Variants in ZNF732 observed in about 807,000 individuals in gnomAD.
ZNF732 encodes the protein zinc finger protein LOC654254.
ZNF732 carries 12 observed loss-of-function variants against 11.5 expected under a neutral mutation model. The ratio of observed to expected loss-of-function variants is 1.05; its 90% CI spans 0.67 to 1.70. ZNF732 has a LOEUF of 1.70. Among genes scored for constraint, ZNF732 ranks in the 40% most tolerant of loss-of-function variants. ZNF732 has a pLI of 0.00. For synonymous variants in ZNF732, 231 were observed against 236.5 expected, an observed-to-expected ratio of 0.98 and a Z score of 0.21; for missense variants, 702 against 676.9, an observed-to-expected ratio of 1.04 and a Z score of -0.41.
chr4:273,484 G>A (rs1258046021), intron 3 of ZNF732, among the ~76,000 whole-genome samples: 1 of 151,840 alleles, frequency 6.6e-6, no homozygotes, highest in African/African-American at 2.4e-5. Flanking sequence ...TTTTTAAAAT[G>A]TAACCTGAAT....
intron 3 of ZNF732, among the ~76,000 whole-genome samples, chr4:293,511 G>T (rs1719888369): frequency 1.3e-5 from 2 of 151,994 alleles, no homozygotes; most frequent in Admixed American, 6.6e-5. Flanking sequence ...AAGTAGAATG[G>T]TGGTTGTTGG....
chr4:272,620 A>T lies in ZNF732; in HGVS notation c.237T>A (p.Ser79=). 1 of 1,518,980 alleles carries T rather than the reference A, an allele frequency of 6.6e-7. No homozygotes were observed. The highest frequency in any genetic ancestry group is 1.4e-5 in the South Asian group (1 of 72,218). 94.1% of individuals were successfully genotyped at this position (1,518,980 alleles called of 1,614,324 possible). ...ETVAKHPAVC[S]HFTQDFLPVQ... ...CTGGCAAAAAGTCTTGGGTGAAATG[A>T]GAACACACAGCTGAAAGAAATAAAA... is the stretch of plus-strand genomic sequence containing the variant. Residue 79 remains serine, a synonymous_variant, in exon 4 of 4, where the codon TCT becomes TCA. Transcript: ENST00000419098.
chr4:281,353 A>C (rs1205029926), intron 3 of ZNF732, among the ~76,000 whole-genome samples: 2 of 152,252 alleles, frequency 1.3e-5, no homozygotes, highest in African/African-American at 4.8e-5. Flanking sequence ...ATCAAGGGTC[A>C]TTACTGCTCA....
intron 1 of ZNF732, among the ~76,000 whole-genome samples, chr4:303,202 T>C (rs1160070855): frequency 6.6e-6 from 1 of 152,226 alleles, no homozygotes; most frequent in African/African-American, 2.4e-5. Flanking sequence ...TTTGCCTACT[T>C]TATTTCTGTA....
At position 271,774 on chromosome 4, in the gene ZNF732, G is replaced by T; in HGVS notation, c.1083C>A (p.Pro361=). ...CTTTGCCACATTGTTCACATTTGTA[G>T]GGCTTCTCTCCAGTATGAATTCTCT... is the stretch of plus-strand genomic sequence containing the variant. ...EHKRIHTGEK[P]YKCEQCGKAF... is the part of the protein sequence containing the mutation. Residue 361 remains proline, a synonymous_variant, in exon 4 of 4, where the codon CCC becomes CCA. Coordinates refer to ENST00000419098, the MANE Select transcript of ZNF732 (RefSeq NM_001137608.3). 3.1e-6 allele frequency: 5 copies of T among 1,610,380 alleles called. No homozygotes were observed. Among genetic ancestry groups the T allele is most frequent in the Non-Finnish European group, 4.2e-6 (5 of 1,178,328 alleles).
intron 1 of ZNF732, among the ~76,000 whole-genome samples, chr4:297,909 G>A (rs914753442): frequency 3.9e-5 from 6 of 152,048 alleles, no homozygotes; most frequent in Admixed American, 2.0e-4. Context: ...GACAGAGAGT[G>A]GGCCCTAGAC....
intron 1 of ZNF732, among the ~76,000 whole-genome samples, chr4:303,841 T>A (rs1212867812): frequency 6.6e-6 from 1 of 151,756 alleles, no homozygotes; most frequent in African/African-American, 2.4e-5. Context: ...GAAATAAGAT[T>A]TGTGAGGAAG....
chr4:299,728 C>A (rs1720073329), intron 1 of ZNF732, among the ~76,000 whole-genome samples: 1 of 141,238 alleles, frequency 7.1e-6, no homozygotes, highest in South Asian at 2.2e-4. Context: ...TGGAGTTTCC[C>A]TCTTGTTGCC....
At position 270,848 on chromosome 4, in the gene ZNF732, T is replaced by A; in HGVS notation, c.*251A>T. ...AAAGCTTTGCCACATTCTTCACATT[T>A]GTAGGGTTGCTCTCCAGCATCAATT... is the stretch of plus-strand genomic sequence containing the variant. On this transcript the variant is annotated 3_prime_UTR_variant, in exon 4 of 4. Coordinates refer to ENST00000419098, the MANE Select transcript of ZNF732 (RefSeq NM_001137608.3). 1.5e-6 allele frequency: 1 copy of A among 672,796 alleles called. No homozygotes were observed. The highest frequency in any genetic ancestry group is 2.8e-6 in the Non-Finnish European group (1 of 358,924). The allele number at this position is 672,796 out of a possible 1,614,324, so 41.7% of individuals were successfully genotyped here.
chr4:285,249 G>A (rs1719709081), intron 3 of ZNF732, among the ~76,000 whole-genome samples: 1 of 152,192 alleles, frequency 6.6e-6, no homozygotes, highest in Non-Finnish European at 1.5e-5. Flanking sequence ...CAGTGCACAG[G>A]TGGAGAAAGG....
chr4:273,776 C>T (rs782200836), intron 3 of ZNF732, among the ~76,000 whole-genome samples: 41 of 151,070 alleles, frequency 2.7e-4, no homozygotes, highest in Non-Finnish European at 5.8e-4. Context: ...AGTGATGTGT[C>T]ATTTATAACT....
chr4:271,199 G>C lies in ZNF732; in HGVS notation c.1658C>G (p.Thr553Ser), dbSNP rs782768494. 9.0e-6 allele frequency: 14 copies of C among 1,554,964 alleles called. No individual in the cohort carries two copies. The East Asian group carries it at 2.4e-4, about 27-fold the overall frequency. The stretch of plus-strand genomic sequence containing the variant: ...TTTACATTTGGGGGTTTTATCTCCA[G>C]TATGAATTGTCTTATATTTATTCAG... ...RVLNKYKTIH[T>S]GDKTPKCKGC... Residue 553 changes from threonine to serine, a missense_variant, in exon 4 of 4, where the codon ACT (threonine) becomes AGT (serine). Thr to Ser is a moderately conservative substitution (Grantham distance 58). Coordinates refer to ENST00000419098, the MANE Select transcript of ZNF732 (RefSeq NM_001137608.3).
chr4:291,656 G>A, intron 3 of ZNF732, among the ~76,000 whole-genome samples: 1 of 152,124 alleles, frequency 6.6e-6, no homozygotes, highest in South Asian at 2.1e-4. Flanking sequence ...AAAGTGATTT[G>A]TAGATTCAAA....
intron 3 of ZNF732, among the ~76,000 whole-genome samples, chr4:275,319 T>C (rs952301333): frequency 1.3e-5 from 2 of 151,766 alleles, no homozygotes; most frequent in African/African-American, 4.8e-5. Context: ...ATAATGAGAA[T>C]ATCTAGACTG....
At position 299,947 on chromosome 4, in the gene ZNF732, G is replaced by A. The variant is rs551135268; in HGVS notation, c.4-3792C>T. Among the ~76,000 whole-genome samples the A allele has an allele frequency of 1.6e-3, 231 of 145,326 alleles. 1 individual carries two copies. The highest frequency in any genetic ancestry group is 2.6e-3 in the Non-Finnish European group (174 of 66,546). On this transcript the variant is annotated intron_variant, in intron 1 of 3. Transcript: ENST00000419098. The stretch of plus-strand genomic sequence containing the variant: ...TCGAACTCCGGACCTCAGGTGATCC[G>A]CCTGCCTCGGCCTCCCAAAGTGCTA...
At chr4:287,005 T>C (rs1241527968) in intron 3 of ZNF732, among the ~76,000 whole-genome samples, 2 of 151,992 alleles carry the variant, frequency 1.3e-5, no homozygotes, top group Non-Finnish European at 1.5e-5. Flanking sequence ...ATGAAAATTA[T>C]CTGGGCGTGG....
intron 3 of ZNF732, among the ~76,000 whole-genome samples, chr4:285,863 C>T (rs1227767464): frequency 6.6e-6 from 1 of 152,210 alleles, no homozygotes; most frequent in Non-Finnish European, 1.5e-5. Flanking sequence ...GCCTCAGCCC[C>T]CAAGTAGCTG....
intron 3 of ZNF732, among the ~76,000 whole-genome samples, chr4:276,406 T>G (rs1553838691): frequency 6.6e-6 from 1 of 151,860 alleles, no homozygotes; most frequent in East Asian, 1.9e-4. Flanking sequence ...GTTCCAGATC[T>G]CAGATAAAAA....
At chr4:280,025 C>T (rs1719584238) in intron 3 of ZNF732, among the ~76,000 whole-genome samples, 1 of 151,836 alleles carries the variant, frequency 6.6e-6, no homozygotes, top group Admixed American at 6.6e-5. Context: ...AATTAAACAC[C>T]ACATGGTCAT....
Sources: allele counts gnomAD v4.1 joint callset (sites outside exome capture counted in the v4.1 genomes callset), GRCh38; gene constraint gnomAD v4.1.1; transcripts MANE v1.5; gene names NCBI Gene and HGNC (gene_info 2026-07-23, HGNC 2026-07-21).